MEGF11: variants seen among roughly 807,000 people sequenced by gnomAD.
The protein encoded by MEGF11 is multiple EGF like domains 11, also known as multiple epidermal growth factor-like domains protein 11.
In MEGF11, 126 loss-of-function variants were observed where a neutral mutation model predicts 146.6. The ratio of observed to expected loss-of-function variants is 0.86; its 90% confidence interval spans 0.74 to 1.00. The LOEUF (loss-of-function observed/expected upper bound fraction) is 1.00, where lower values mean the gene tolerates loss of function less well. MEGF11 is among the 50% of genes least tolerant of loss of function. The pLI is 0.00. For synonymous variants in MEGF11, 532 were observed against 583.4 expected (o/e 0.91, Z 1.27); for missense variants, 1,509 against 1,521.2 (o/e 0.99, Z 0.13).
At chr15:65,959,071 A>T (rs936416403) in intron 9 of MEGF11, among the ~76,000 whole-genome samples, 5 of 152,112 alleles carry the variant, frequency 3.3e-5, no homozygotes, top group African/African-American at 1.2e-4. Context: ...TGCCCTGGTG[A>T]ATATTTGGGA....
chr15:66,174,347 A>G (rs2090337910), intron 1 of MEGF11, among the ~76,000 whole-genome samples: 1 of 152,122 alleles, frequency 6.6e-6, no homozygotes, highest in African/African-American at 2.4e-5. Context: ...ATCCCTCCCA[A>G]GAGGGGAATT....
At chr15:66,043,882 C>G (rs372048025) in intron 5 of MEGF11, among the ~76,000 whole-genome samples, 2 of 152,192 alleles carry the variant, frequency 1.3e-5, no homozygotes, top group Non-Finnish European at 2.9e-5. Flanking sequence ...TCAACCAGCA[C>G]GATGCCTGGG....
At chr15:66,203,009 C>T (rs1451534109) in intron 1 of MEGF11, among the ~76,000 whole-genome samples, 1 of 152,160 alleles carries the variant, frequency 6.6e-6, no homozygotes, top group Non-Finnish European at 1.5e-5. Flanking sequence ...CTCTTAGCTA[C>T]AGAAAGCTCT....
rs1232919678 is a variant in MEGF11, at chr15:65,986,261, CT to C, written c.395-3774del. Among the ~76,000 whole-genome samples, 6 of 152,088 alleles carry C rather than the reference CT, an allele frequency of 3.9e-5. No individual in the cohort carries two copies. In the East Asian group the frequency reaches 1.2e-3, roughly 29 times the overall value. ...GACAATGTCTGCATGTTTTATGGGG[CT>C]CCTAAAAAGTATGTGAGCAAGAGCT... On this transcript the variant is annotated intron_variant, in intron 5 of 25. Transcript: ENST00000395614.
intron 5 of MEGF11, 109 bp downstream of exon 5, chr15:66,094,293 C>T: frequency 1.2e-6 from 1 of 843,778 alleles, no homozygotes; most frequent in Admixed American, 2.5e-5. Flanking sequence ...AGGTAGCCCA[C>T]CCCAAGTCGC....
At chr15:66,148,808 C>G (rs1250303940) in intron 1 of MEGF11, among the ~76,000 whole-genome samples, 1 of 152,194 alleles carries the variant, frequency 6.6e-6, no homozygotes, top group South Asian at 2.1e-4. Context: ...GTTCTGAGGT[C>G]TGATGTTCCT....
At chr15:66,024,935 G>A (rs999650857) in intron 5 of MEGF11, among the ~76,000 whole-genome samples, 1 of 152,146 alleles carries the variant, frequency 6.6e-6, no homozygotes, top group African/African-American at 2.4e-5. Flanking sequence ...GGGAGCTGTG[G>A]TGTGTGTTGG....
intron 1 of MEGF11, among the ~76,000 whole-genome samples, chr15:66,186,345 C>A (rs1162965357): frequency 1.3e-5 from 2 of 152,102 alleles, no homozygotes; most frequent in African/African-American, 2.4e-5. Flanking sequence ...CCGGGACTGG[C>A]CAGCAGCCCC....
At chr15:66,179,691 G>A (rs2090489060) in intron 1 of MEGF11, among the ~76,000 whole-genome samples, 1 of 151,964 alleles carries the variant, frequency 6.6e-6, no homozygotes, top group Non-Finnish European at 1.5e-5. Context: ...TACTCAACCG[G>A]GTTTCAGGTT....
intron 5 of MEGF11, among the ~76,000 whole-genome samples, chr15:66,079,976 G>A (rs1259750557): frequency 1.3e-5 from 2 of 152,334 alleles, no homozygotes; most frequent in South Asian, 2.1e-4. Context: ...TGGAAGAAAC[G>A]GAGCATGGGA....
At chr15:66,014,366 C>T (rs1162228156) in intron 5 of MEGF11, among the ~76,000 whole-genome samples, 10 of 152,170 alleles carry the variant, frequency 6.6e-5, no homozygotes, top group Non-Finnish European at 1.3e-4. Context: ...AGACACTATT[C>T]GATCCAGTAT....
intron 5 of MEGF11, among the ~76,000 whole-genome samples, chr15:66,038,687 A>G (rs1256634535): frequency 6.6e-6 from 1 of 152,142 alleles, no homozygotes; most frequent in African/African-American, 2.4e-5. Flanking sequence ...GCCCAAGGTC[A>G]CACCTATTAT....
chr15:65,901,073 A>G (rs1171904228), intron 24 of MEGF11, among the ~76,000 whole-genome samples: 1 of 152,200 alleles, frequency 6.6e-6, no homozygotes, highest in Non-Finnish European at 1.5e-5. Flanking sequence ...AGGTGACTTC[A>G]TTTCTACATA....
intron 4 of MEGF11, among the ~76,000 whole-genome samples, chr15:66,117,213 C>T (rs971577547): frequency 3.3e-5 from 5 of 152,172 alleles, no homozygotes; most frequent in South Asian, 2.1e-4. Context: ...ACCCAGACCC[C>T]TGTGATTCTG....
chr15:66,145,421 A>G (rs1202099364), intron 1 of MEGF11, among the ~76,000 whole-genome samples: 1 of 152,208 alleles, frequency 6.6e-6, no homozygotes, highest in Non-Finnish European at 1.5e-5. Flanking sequence ...GAGACATGAC[A>G]TAACGAGGAG....
At chr15:66,213,554 T>C (rs894740212) in intron 1 of MEGF11, among the ~76,000 whole-genome samples, 1 of 151,760 alleles carries the variant, frequency 6.6e-6, no homozygotes, top group African/African-American at 2.4e-5. Context: ...AGTGTTTGCA[T>C]GATATATCTC....
At chr15:66,169,782 G>A (rs1350828080) in intron 1 of MEGF11, among the ~76,000 whole-genome samples, 1 of 152,208 alleles carries the variant, frequency 6.6e-6, no homozygotes, top group Non-Finnish European at 1.5e-5. Context: ...GAGACGGCCA[G>A]CGCTGCTGGG....
chr15:65,929,793 G>T lies in MEGF11; in HGVS notation c.1499C>A (p.Ala500Asp), dbSNP rs2079507740. The change falls in exon 12 of 26, where the codon GCC becomes GAC. Residue 500 changes from alanine to aspartate, a missense_variant. By Grantham distance (126) the Ala-to-Asp change is moderately radical. Transcript: ENST00000395614. ...GCAGGAGCCGTCTATGGGGCTGCAG[G>T]CTGCCCCATTGGCACAGGTGCAGCT... ...NESCTCANGA[A>D]CSPIDGSCSC... 6.4e-7 allele frequency: 1 copy of T among 1,565,488 alleles called. No individual in the cohort carries two copies. Among genetic ancestry groups the T allele is most frequent in the African/African-American group, 1.4e-5 (1 of 73,582 alleles).
In MEGF11 at chr15:65,913,484, A is replaced by G. The variant is rs1315094516; in HGVS notation, c.2710+253T>C. On this transcript the variant is annotated intron_variant, in intron 20 of 25. Coordinates refer to ENST00000395614, the MANE Select transcript of MEGF11 (RefSeq NM_001385028.1). Reference sequence around the variant, plus strand: ...CTGAGGCCGAAGGCTGGTGAGAAGGATAGGGAAGCTCTGGGAAAATGGCAG... The same window carrying G: ...CTGAGGCCGAAGGCTGGTGAGAAGGGTAGGGAAGCTCTGGGAAAATGGCAG... The G allele has an allele frequency of 2.4e-5, 14 of 583,848 alleles. No individual in the cohort carries two copies. In the East Asian group the frequency reaches 3.4e-4, roughly 14 times the overall value. The allele number at this position is 583,848 out of a possible 1,614,324, so 36.2% of individuals were successfully genotyped here.
Sources: allele counts gnomAD v4.1 joint callset (sites outside exome capture counted in the v4.1 genomes callset), GRCh38; gene constraint gnomAD v4.1.1; transcripts MANE v1.5; gene names NCBI Gene and HGNC (gene_info 2026-07-23, HGNC 2026-07-21).